CEP350: variants seen among roughly 807,000 people sequenced by gnomAD.
CEP350 encodes centrosome-associated protein 350.
Under a neutral mutation model 331.8 loss-of-function variants are expected in CEP350, and 126 were observed. That is an observed-to-expected ratio of 0.38 (90% CI 0.33 to 0.44). The LOEUF is 0.44. Ranked by LOEUF, CEP350 falls within the 20% of genes least tolerant of loss-of-function variation. The pLI is 1.00. For missense variants in CEP350, 3,406 were observed against 3,634.6 expected (o/e 0.94, Z 1.62); for synonymous variants, 1,200 against 1,259.5 (o/e 0.95, Z 1.00).
chr1:179,969,095 C>T (rs527726167), intron 1 of CEP350: 19 of 687,746 alleles, frequency 2.8e-5, no homozygotes, highest in South Asian at 9.6e-5. Context: ...GTCTCCTTTG[C>T]GCTGTGTGGA....
Position 180,031,434 on chromosome 1 carries a change from AT to A in CEP350, c.3669del (p.Phe1223LeufsTer19). The A allele has an allele frequency of 6.2e-7, 1 of 1,600,948 alleles. No homozygotes were observed. The highest frequency in any genetic ancestry group is 8.5e-7 in the Non-Finnish European group (1 of 1,172,592). ...SGTSSKLSVK[D>X]FEQTLDTDST... is the part of the protein sequence containing the mutation. Reference sequence around the variant, plus strand: ...ACCAGCAGCAAACTTTCTGTTAAAGATTTTGAGCAGACTCTTGATACAGATA... The same window carrying A: ...ACCAGCAGCAAACTTTCTGTTAAAGATTTGAGCAGACTCTTGATACAGATA... On this transcript the variant is annotated frameshift_variant, in exon 15 of 38. Coordinates refer to ENST00000367607, the MANE Select transcript of CEP350 (RefSeq NM_014810.5). LOFTEE classifies it high-confidence loss of function.
At position 180,053,130 on chromosome 1, in the gene CEP350, A is replaced by G; in HGVS notation, c.4953A>G (p.Glu1651=). The G allele has an allele frequency of 6.3e-7, 1 of 1,599,480 alleles. No individual in the cohort carries two copies. The highest frequency in any genetic ancestry group is 8.5e-7 in the Non-Finnish European group (1 of 1,174,574). ...RRGHHDDSDE[E]ASPEKTTLST... is the part of the protein sequence containing the mutation. ...GTCATCATGATGACTCTGATGAAGA[A>G]GCTTCTCCAGAAAAAACTACACTGT... is the stretch of plus-strand genomic sequence containing the variant. The change falls in exon 23 of 38, where the codon GAA becomes GAG. Residue 1651 remains glutamate (E), a synonymous_variant. Transcript: ENST00000367607.
Position 180,102,527 on chromosome 1 carries a change from T to C in CEP350, c.9189+3542T>C, listed in dbSNP as rs139499051. 5.9e-3 allele frequency among the ~76,000 whole-genome samples: 898 copies of C among 152,370 alleles called. 9 individuals carry two copies. Among genetic ancestry groups the C allele is most frequent in the African/African-American group, 0.019 (808 of 41,578 alleles). ...TACTAAAAGAATGAGCTTATTTTGCTCTATGATTTTGTTACACTTTTCACC... is the reference window on the plus strand; with the variant it reads ...TACTAAAAGAATGAGCTTATTTTGCCCTATGATTTTGTTACACTTTTCACC... On this transcript the variant is annotated intron_variant, in intron 37 of 37. Coordinates refer to ENST00000367607, the MANE Select transcript of CEP350 (RefSeq NM_014810.5).
chr1:180,087,460 T>C, intron 31 of CEP350, 118 bp from the exon 32 acceptor site: 3 of 963,208 alleles, frequency 3.1e-6, no homozygotes, highest in Non-Finnish European at 4.4e-6. Context: ...GGGAGGGAGA[T>C]TTTTATATTA....
At chr1:180,090,545 CAAAAAAAAAAAAA>C (rs36128628) in intron 32 of CEP350, among the ~76,000 whole-genome samples, 156 bp from the exon 33 acceptor site, 44 of 77,380 alleles carry the variant, frequency 5.7e-4, no homozygotes, top group African/African-American at 2.2e-3. Context: ...GACTCCGTCT[CAAAAAAAAAAAAA>C]AAAAAAAAAA....
intron 7 of CEP350, among the ~76,000 whole-genome samples, chr1:180,004,713 ATGAT>A (rs1654093077): frequency 6.6e-6 from 1 of 152,246 alleles, no homozygotes; most frequent in South Asian, 2.1e-4. Flanking sequence ...TGTCAGCAGC[ATGAT>A]TGATCACTTC....
chr1:180,098,091 CT>C (rs1461306184), intron 36 of CEP350, among the ~76,000 whole-genome samples: 3 of 152,144 alleles, frequency 2.0e-5, no homozygotes, highest in Non-Finnish European at 4.4e-5. Flanking sequence ...CTGCCTCAGC[CT>C]CCTGAGTAGC....
Position 180,043,042 on chromosome 1 carries a change from G to T in CEP350, c.4363-14G>T. The T allele has an allele frequency of 6.2e-7, 1 of 1,607,122 alleles. No homozygotes were observed. The highest frequency in any genetic ancestry group is 1.7e-5 in the Admixed American group (1 of 58,936). On this transcript the variant is annotated splice_polypyrimidine_tract_variant and intron_variant, in intron 19 of 37. Coordinates refer to ENST00000367607, the MANE Select transcript of CEP350 (RefSeq NM_014810.5). ...TTTAATACATTTGCCTTTCTTGTGT[G>T]TGTTCATGTTTAGATGGCAGAGTTG...
intron 8 of CEP350, among the ~76,000 whole-genome samples, chr1:180,010,252 A>G (rs1052036738): frequency 6.6e-6 from 1 of 152,078 alleles, no homozygotes; most frequent in Non-Finnish European, 1.5e-5. Flanking sequence ...GTATTTAGTT[A>G]CTTCCGATAC....
intron 22 of CEP350, chr1:180,052,322 A>G: frequency 2.3e-6 from 1 of 429,088 alleles, no homozygotes; most frequent in Non-Finnish European, 4.6e-6. Flanking sequence ...TACAGGTGTG[A>G]GCCCCTGTGC....
rs527953622 is a variant in CEP350 at position 180,109,205 on chromosome 1, G to A, written c.9190-1792G>A. ...GCAATCTTGGCTCACTGCAACCTCC[G>A]CCTCCCGGGTTCAAGCGATTCTCCT... is the stretch of plus-strand genomic sequence containing the variant. On this transcript the variant is annotated intron_variant, in intron 37 of 37. Coordinates refer to ENST00000367607, the MANE Select transcript of CEP350 (RefSeq NM_014810.5). Among the ~76,000 whole-genome samples the A allele has an allele frequency of 2.6e-3, 391 of 147,818 alleles. 1 individual carries two copies. Among genetic ancestry groups the A allele is most frequent in the Non-Finnish European group, 2.8e-3 (187 of 67,446 alleles).
chr1:180,028,367 A>G lies in CEP350; in HGVS notation c.3551-2953A>G, dbSNP rs75732730. Among the ~76,000 whole-genome samples, 591 of 152,284 alleles carry G rather than the reference A, an allele frequency of 3.9e-3. 5 individuals carry two copies. The highest frequency in any genetic ancestry group is 5.4e-3 in the Non-Finnish European group (366 of 68,024). On this transcript the variant is annotated intron_variant, in intron 14 of 37. Transcript: ENST00000367607. ...GATCTTGCTCAATTCTTATTTTGCA[A>G]TTGTTAGCGTTTGCTAAGTTAGTGT...
intron 9 of CEP350, among the ~76,000 whole-genome samples, chr1:180,013,401 A>AT (rs1382711102): frequency 2.6e-5 from 4 of 152,150 alleles, no homozygotes; most frequent in Admixed American, 2.0e-4. Context: ...TTAAAAATAT[A>AT]TTTTTTATGA....
rs769136406 is a variant in CEP350, at chr1:179,995,558, C to T, written c.396-995C>T. ...AGGCAGAGGTTGCAGTGAGCGAGAT[C>T]GCACCACTGCACTCCAGCCTGGGTG... On this transcript the variant is annotated intron_variant, in intron 5 of 37. Coordinates refer to ENST00000367607, the MANE Select transcript of CEP350 (RefSeq NM_014810.5). 7.2e-5 allele frequency among the ~76,000 whole-genome samples: 11 copies of T among 152,222 alleles called. No individual in the cohort carries two copies. The East Asian group carries it at 1.2e-3, about 16-fold the overall frequency.
intron 27 of CEP350, chr1:180,073,943 A>G (rs900781383): frequency 7.7e-6 from 10 of 1,302,768 alleles, no homozygotes; most frequent in Non-Finnish European, 1.0e-5. Flanking sequence ...ACTCTTTGAT[A>G]GAGCATGCTC....
chr1:180,018,182 G>GT (rs1376661702), intron 11 of CEP350, among the ~76,000 whole-genome samples: 1 of 151,824 alleles, frequency 6.6e-6, no homozygotes, highest in East Asian at 1.9e-4. Flanking sequence ...ATTTTATTTT[G>GT]TTTTTTATTT....
intron 1 of CEP350, among the ~76,000 whole-genome samples, chr1:179,966,133 G>T (rs1050197858): frequency 6.6e-6 from 1 of 152,182 alleles, no homozygotes; most frequent in African/African-American, 2.4e-5. Flanking sequence ...CTTCAGGGAA[G>T]AGTAGTAACG....
At chr1:180,030,860 A>G (rs1655980675) in intron 14 of CEP350, among the ~76,000 whole-genome samples, 1 of 152,080 alleles carries the variant, frequency 6.6e-6, no homozygotes, top group Admixed American at 6.6e-5. Context: ...GAGTAAAATT[A>G]TTGAGAGTCA....
chr1:180,008,006 TTC>T (rs1385566300), intron 8 of CEP350, among the ~76,000 whole-genome samples: 23 of 152,144 alleles, frequency 1.5e-4, no homozygotes, highest in Admixed American at 6.6e-5. Flanking sequence ...CACATCTGTC[TTC>T]TCTCCAATTT....
Sources: allele counts gnomAD v4.1 joint callset (sites outside exome capture counted in the v4.1 genomes callset), GRCh38; gene constraint gnomAD v4.1.1; transcripts MANE v1.5; gene names NCBI Gene and HGNC (gene_info 2026-07-23, HGNC 2026-07-21).